The following EIF1AX variants were observed in gnomAD, a reference collection of about 807,000 sequenced individuals.
EIF1AX encodes eukaryotic translation initiation factor 1A X-linked.
A neutral mutation model predicts 16.1 loss-of-function variants in EIF1AX; 1 was observed. The ratio of observed to expected loss-of-function variants is 0.06; its 90% confidence interval spans 0.02 to 0.30. EIF1AX has a LOEUF of 0.30. Among genes scored for constraint, EIF1AX ranks in the 10% least tolerant of loss-of-function variants. EIF1AX has a pLI of 1.00. For synonymous variants in EIF1AX, 32 were observed against 37.3 expected, an observed-to-expected ratio of 0.86 and a Z score of 0.51; for missense variants, 11 against 109.1, an observed-to-expected ratio of 0.10 and a Z score of 4.00.
At chrX:20,138,713 AT>A (rs1417943461) in intron 1 of EIF1AX, 91 bp from the exon 2 acceptor site, 5 of 613,598 alleles carry the variant, frequency 8.1e-6, no homozygotes, top group Admixed American at 3.6e-5. Flanking sequence ...TTATAAAACC[AT>A]TTTTTAAAAG....
Position 20,138,622 on chromosome X carries a change from C to G in EIF1AX, c.17G>C (p.Gly6Ala). Residue 6 changes from glycine to alanine, a missense_variant and splice_region_variant, in exon 2 of 7, where the codon GGT becomes GCT. Transcript: ENST00000379607. ...CCTGCGTCTGTTTTTACCTCCTTTA[C>G]CTGATGGTTTAAAAAAAAGAAAAGG... is the stretch of plus-strand genomic sequence containing the variant. MPKNK[G>A]KGGKNRRRGK... The G allele has an allele frequency of 8.7e-7, 1 of 1,155,806 alleles. No homozygotes were observed. Among genetic ancestry groups the G allele is most frequent in the Non-Finnish European group, 1.2e-6 (1 of 857,082 alleles).
rs1444480599 is a variant in EIF1AX at position 20,130,610 on chromosome X, A to G, written c.338-3T>C. ...TGTATCAGTTTCATTGATTTTAGCT[A>G]AGGACACAGTAAGAAATACTCATAA... On this transcript the variant is annotated splice_polypyrimidine_tract_variant and splice_region_variant and intron_variant, in intron 5 of 6. Coordinates refer to ENST00000379607, the MANE Select transcript of EIF1AX (RefSeq NM_001412.4). 4 of 1,189,437 alleles carry G rather than the reference A, an allele frequency of 3.4e-6. No individual in the cohort carries two copies. Among genetic ancestry groups the G allele is most frequent in the Non-Finnish European group, 4.5e-6 (4 of 886,265 alleles).
At position 20,125,891 on chromosome X, in the gene EIF1AX, G is replaced by A. The variant is rs1383815848; in HGVS notation, c.*2415C>T. 1 of 151,534 alleles carries A rather than the reference G, an allele frequency of 6.6e-6. No individual in the cohort carries two copies. The highest frequency in any genetic ancestry group is 9.9e-5 in the East Asian group (1 of 10,101). 12.5% of individuals were successfully genotyped at this position (151,534 alleles called of 1,213,427 possible). On this transcript the variant is annotated 3_prime_UTR_variant, in exon 7 of 7. Transcript: ENST00000379607. ...TCCATCATGCATAGTTTACAGGCTTGGTAAGAAGCGGTCTCTTTAGGGGCC... is the reference window on the plus strand; with the variant it reads ...TCCATCATGCATAGTTTACAGGCTTAGTAAGAAGCGGTCTCTTTAGGGGCC...
rs758913314 is a variant in EIF1AX, at chrX:20,141,605, G to A, written c.16+20C>T. Reference sequence around the variant, plus strand: ...ACCCGGCCGAGCAGAGCCGTGGTCCGGGGGTCCGGGCGGCATTACCTTTAT... The same window carrying A: ...ACCCGGCCGAGCAGAGCCGTGGTCCAGGGGTCCGGGCGGCATTACCTTTAT... On this transcript the variant is annotated intron_variant, in intron 1 of 6. Coordinates refer to ENST00000379607, the MANE Select transcript of EIF1AX (RefSeq NM_001412.4). 15 of 1,151,124 alleles carry A rather than the reference G, an allele frequency of 1.3e-5. No homozygotes were observed. The highest frequency in any genetic ancestry group is 1.8e-5 in the African/African-American group (1 of 55,062). The allele number at this position is 1,151,124 out of a possible 1,213,427, so 94.9% of individuals were successfully genotyped here. A position where few individuals can be genotyped will look rare whatever the true frequency, so the allele number is the denominator to read the frequency against.
chrX:20,139,202 AACATAGCGAG>A (rs2032182371), intron 1 of EIF1AX, among the ~76,000 whole-genome samples: 1 of 111,790 alleles, frequency 8.9e-6, no homozygotes, highest in Non-Finnish European at 1.9e-5. Context: ...TAGCCTGGGC[AACATAGCGAG>A]ACACTGTCTC....
chrX:20,126,812 T>G lies in EIF1AX; in HGVS notation c.*1494A>C, dbSNP rs1176443396. ...GAATACGTACTCTTAATTTCCATTC[T>G]TCAACTTAATGTTCTATAGTACTTC... On this transcript the variant is annotated 3_prime_UTR_variant, in exon 7 of 7. Transcript: ENST00000379607. 1 of 141,002 alleles carries G rather than the reference T, an allele frequency of 7.1e-6. No homozygotes were observed. The highest frequency in any genetic ancestry group is 1.4e-5 in the Non-Finnish European group (1 of 70,082). 11.6% of individuals were successfully genotyped at this position (141,002 alleles called of 1,213,427 possible).
Position 20,128,036 on chromosome X carries a change from T to C in EIF1AX, c.*270A>G, listed in dbSNP as rs2066990494. On this transcript the variant is annotated 3_prime_UTR_variant, in exon 7 of 7. Transcript: ENST00000379607. ...AAGTGGTAGGAAAAGCAGCAATGCA[T>C]GGTTTTTTTTTTTTTTTGTAATTAG... The C allele has an allele frequency of 3.9e-6, 1 of 257,446 alleles. No homozygotes were observed. The highest frequency in any genetic ancestry group is 6.9e-5 in the Admixed American group (1 of 14,552). 21.2% of individuals were successfully genotyped at this position (257,446 alleles called of 1,213,427 possible).
chrX:20,141,097 G>A (rs1163827439), intron 1 of EIF1AX, among the ~76,000 whole-genome samples: 1 of 111,732 alleles, frequency 8.9e-6, no homozygotes, highest in Non-Finnish European at 1.9e-5. Flanking sequence ...CTAGAGGTGA[G>A]CCTTAGAAAT....
chrX:20,134,181 G>C (rs753409110), intron 3 of EIF1AX, among the ~76,000 whole-genome samples, 174 bp from the exon 4 acceptor site: 70 of 112,200 alleles, frequency 6.2e-4, no homozygotes, highest in South Asian at 2.2e-3. Context: ...GAGGTCAGGA[G>C]TTCGAGACCA....
intron 6 of EIF1AX, among the ~76,000 whole-genome samples, chrX:20,129,042 G>A (rs748677898): frequency 8.1e-5 from 9 of 110,454 alleles, no homozygotes; most frequent in Non-Finnish European, 1.7e-4. Context: ...CCAAAGAATA[G>A]AATTGTTAAT....
chrX:20,130,376 A>T, intron 6 of EIF1AX, 140 bp downstream of exon 6: 4 of 497,081 alleles, frequency 8.0e-6, no homozygotes, highest in Middle Eastern at 7.9e-4. Flanking sequence ...CTTCTAAATA[A>T]TATTATTTAA....
At chrX:20,128,848 A>C (rs2066992843) in intron 6 of EIF1AX, among the ~76,000 whole-genome samples, 1 of 111,311 alleles carries the variant, frequency 9.0e-6, no homozygotes, top group African/African-American at 3.3e-5. Context: ...TTTACTGAGA[A>C]AATCTTGACC....
intron 6 of EIF1AX, among the ~76,000 whole-genome samples, chrX:20,129,614 C>T (rs954786478): frequency 1.8e-5 from 2 of 112,326 alleles, no homozygotes; most frequent in African/African-American, 6.5e-5. Context: ...CACTTATGGG[C>T]ATTACTACTT....
intron 5 of EIF1AX, 135 bp from the exon 6 acceptor site, chrX:20,130,742 CTA>C: frequency 3.5e-6 from 2 of 570,005 alleles, no homozygotes; most frequent in Non-Finnish European, 5.0e-6. Flanking sequence ...AGTGTCACTG[CTA>C]AGTCAAGATG....
rs991581228 is a variant in EIF1AX at position 20,126,288 on chromosome X, A to G, written c.*2018T>C. On this transcript the variant is annotated 3_prime_UTR_variant, in exon 7 of 7. Coordinates refer to ENST00000379607, the MANE Select transcript of EIF1AX (RefSeq NM_001412.4). The stretch of plus-strand genomic sequence containing the variant: ...TTCCACATTAAATACAAATTAGTAG[A>G]AGAATTCCTCCAAGTAGTATTGCAT... The G allele has an allele frequency of 7.5e-5, 10 of 132,762 alleles. No individual in the cohort carries two copies. Among genetic ancestry groups the G allele is most frequent in the Non-Finnish European group, 1.5e-4 (10 of 68,690 alleles). The allele number at this position is 132,762 out of a possible 1,213,427, so 10.9% of individuals were successfully genotyped here.
rs2066998424 is a variant in EIF1AX, at chrX:20,130,541, C to G, written c.404G>C (p.Gly135Ala). 1.7e-6 allele frequency: 2 copies of G among 1,190,872 alleles called. No individual in the cohort carries two copies. Among genetic ancestry groups the G allele is most frequent in the Non-Finnish European group, 2.3e-6 (2 of 882,026 alleles). ...DDDEIQFDDI[G>A]DDDEDIDDI ...GTCATCAATATCTTCATCATCATCT[C>G]CAATGTCATCAAACTGAATTTCATC... Residue 135 changes from glycine (G) to alanine (A), a missense_variant, in exon 6 of 7, where the codon GGA (glycine) becomes GCA (alanine). Gly to Ala is a moderately conservative substitution (Grantham distance 60, BLOSUM62 0). Transcript: ENST00000379607.
At chrX:20,135,071 G>A (rs1253325492) in intron 3 of EIF1AX, among the ~76,000 whole-genome samples, 3 of 106,561 alleles carry the variant, frequency 2.8e-5, no homozygotes, top group African/African-American at 6.9e-5. Context: ...GTCTCTTTAA[G>A]TCTCCTTGCA....
chrX:20,131,507 C>T (rs900369943), intron 5 of EIF1AX, among the ~76,000 whole-genome samples: 3 of 108,965 alleles, frequency 2.8e-5, no homozygotes, highest in African/African-American at 1.0e-4. Flanking sequence ...TGGTGCATGC[C>T]TGTAATCTCA....
intron 5 of EIF1AX, 87 bp from the exon 6 acceptor site, chrX:20,130,694 A>G: frequency 1.1e-6 from 1 of 871,142 alleles, no homozygotes. Flanking sequence ...ATATAAGACA[A>G]TAACTATAAA....
Sources: gnomAD v4.1 joint callset for allele counts (sites outside exome capture counted in the v4.1 genomes callset) on GRCh38, gnomAD v4.1.1 for gene constraint, MANE v1.5 for transcripts, NCBI Gene and HGNC (gene_info 2026-07-23, HGNC 2026-07-21) for gene names.